Variants in CFAP97 observed in about 807,000 individuals in gnomAD.
CFAP97 encodes the protein cilia and flagella associated protein 97.
A neutral mutation model predicts 43.1 loss-of-function variants in CFAP97; 36 were observed. The observed-to-expected ratio is 0.84, with a 90% CI of 0.64 to 1.10. The LOEUF (loss-of-function observed/expected upper bound fraction) is 1.10. CFAP97 is among the 50% of genes least tolerant of loss of function. CFAP97 has a pLI of 0.00. For missense variants in CFAP97, 657 were observed against 620.3 expected (o/e 1.06, Z -0.63); for synonymous variants, 228 against 225.7 (o/e 1.01, Z -0.09).
At chr4:185,189,176 G>A (rs1053480388) in intron 2 of CFAP97, among the ~76,000 whole-genome samples, 2 of 152,202 alleles carry the variant, frequency 1.3e-5, no homozygotes, top group Non-Finnish European at 2.9e-5. Flanking sequence ...GGTCAAGGCT[G>A]CAGTGAGCTG....
Position 185,175,807 on chromosome 4 carries a change from T to C in CFAP97, c.1299A>G (p.Gln433=). The C allele has an allele frequency of 6.2e-7, 1 of 1,613,432 alleles. No homozygotes were observed. The highest frequency in any genetic ancestry group is 8.5e-7 in the Non-Finnish European group (1 of 1,179,632). The stretch of plus-strand genomic sequence containing the variant: ...TTACCAAGTTTTCTCTCTCAATCCT[T>C]TGTTGTTCCTTCTGTCTGTTGAGAG... ...HSALNRQKEQ[Q]RIERENLALL... is the part of the protein sequence containing the mutation. The change falls in exon 3 of 5, where the codon CAA becomes CAG. Residue 433 remains glutamine (Q), a synonymous_variant. Transcript: ENST00000458385.
intron 3 of CFAP97, among the ~76,000 whole-genome samples, chr4:185,174,308 C>T (rs1005204292): frequency 2.6e-5 from 4 of 152,138 alleles, no homozygotes; most frequent in Non-Finnish European, 5.9e-5. Flanking sequence ...TTGAATACTG[C>T]GAAGGTGATG....
At chr4:185,192,217 T>C (rs1372101866) in intron 1 of CFAP97, among the ~76,000 whole-genome samples, 1 of 152,206 alleles carries the variant, frequency 6.6e-6, no homozygotes, top group East Asian at 1.9e-4. Flanking sequence ...TATGTCGAAC[T>C]TCTGAATATG....
intron 3 of CFAP97, among the ~76,000 whole-genome samples, chr4:185,174,839 C>G (rs1045712640): frequency 6.6e-6 from 1 of 152,068 alleles, no homozygotes; most frequent in Non-Finnish European, 1.5e-5. Context: ...CAGAACAATG[C>G]CTAGTGTTTA....
intron 1 of CFAP97, among the ~76,000 whole-genome samples, chr4:185,195,668 G>GAAGGAGAAA: frequency 6.6e-6 from 1 of 152,232 alleles, no homozygotes; most frequent in Non-Finnish European, 1.5e-5. Context: ...GTGCTCAGGG[G>GAAGGAGAAA]AAGGAGAAAT....
intron 2 of CFAP97, among the ~76,000 whole-genome samples, chr4:185,177,951 A>G (rs953065786): frequency 2.6e-5 from 4 of 152,292 alleles, no homozygotes; most frequent in African/African-American, 9.6e-5. Flanking sequence ...CATTTAAACC[A>G]AAGACTATTA....
At chr4:185,195,754 T>C (rs1477895255) in intron 1 of CFAP97, among the ~76,000 whole-genome samples, 15 of 152,204 alleles carry the variant, frequency 9.9e-5, no homozygotes, top group Non-Finnish European at 5.9e-5. Flanking sequence ...AATCTAATTT[T>C]GCCCACTTGA....
intron 3 of CFAP97, 116 bp downstream of exon 3, chr4:185,175,670 C>T (rs1735486755): frequency 1.1e-6 from 1 of 925,020 alleles, no homozygotes. Context: ...ACATACCGCA[C>T]CTGCTTTTAT....
chr4:185,169,237 C>T (rs1181992230), intron 3 of CFAP97: 1 of 152,206 alleles, frequency 6.6e-6, no homozygotes, highest in Non-Finnish European at 1.5e-5. Context: ...CCACCCAAAT[C>T]TCATCTCGAA....
chr4:185,161,849 G>A lies in CFAP97; in HGVS notation c.*949C>T, dbSNP rs1734884656. On this transcript the variant is annotated 3_prime_UTR_variant, in exon 5 of 5. Transcript: ENST00000458385. ...TTTCAGGCCTTATAAATACTTGCTG[G>A]AATTTCTAAAGCATTTCTTTCTTAC... 6.6e-6 allele frequency: 1 copy of A among 152,044 alleles called. No homozygotes were observed. The allele number at this position is 152,044 out of a possible 1,614,324, so 9.4% of individuals were successfully genotyped here. A position where few individuals can be genotyped will look rare whatever the true frequency, so the allele number is the denominator to read the frequency against.
intron 3 of CFAP97, chr4:185,169,198 A>T (rs984565072): frequency 6.6e-6 from 1 of 152,152 alleles, no homozygotes; most frequent in Non-Finnish European, 1.5e-5. Context: ...TGTGTTATAT[A>T]CCTATTGATA....
upstream of CFAP97, among the ~76,000 whole-genome samples, chr4:185,207,548 T>C (rs2111450887): frequency 6.6e-6 from 1 of 152,284 alleles, no homozygotes; most frequent in East Asian, 1.9e-4. Flanking sequence ...GGAATGCAGA[T>C]CAGGATCAAG....
intron 3 of CFAP97, among the ~76,000 whole-genome samples, chr4:185,172,634 A>T (rs1560857624): frequency 1.3e-5 from 2 of 152,170 alleles, no homozygotes; most frequent in Admixed American, 1.3e-4. Context: ...AGTATATCTG[A>T]CACTGAAATA....
chr4:185,187,682 T>C (rs528557538), intron 2 of CFAP97, among the ~76,000 whole-genome samples: 1 of 151,760 alleles, frequency 6.6e-6, no homozygotes, highest in South Asian at 2.1e-4. Flanking sequence ...TAATTCAACA[T>C]CAGGTCGAAA....
At chr4:185,206,710 A>G (rs945741306), upstream of CFAP97, among the ~76,000 whole-genome samples, 2 of 150,228 alleles carry the variant, frequency 1.3e-5, no homozygotes, top group African/African-American at 2.4e-5. Flanking sequence ...ATCTTGGTTC[A>G]GAAAGACAGA....
chr4:185,205,580 G>C (rs1319795037), upstream of CFAP97, among the ~76,000 whole-genome samples: 1 of 152,106 alleles, frequency 6.6e-6, no homozygotes. Flanking sequence ...TTGTAATTCC[G>C]CACTTTGAGA....
At chr4:185,187,796 G>A (rs1172266252) in intron 2 of CFAP97, among the ~76,000 whole-genome samples, 1 of 151,804 alleles carries the variant, frequency 6.6e-6, no homozygotes, top group Non-Finnish European at 1.5e-5. Flanking sequence ...CTAGGCATCA[G>A]TATTTGTTTT....
intron 2 of CFAP97, among the ~76,000 whole-genome samples, chr4:185,188,937 GA>G (rs150011052): frequency 0.05 from 7,534 of 152,006 alleles, 612 homozygotes; most frequent in African/African-American, 0.17. Context: ...GAGAAAGGGG[GA>G]AAAAATACCT....
intron 1 of CFAP97, 103 bp from the exon 2 acceptor site, chr4:185,191,315 T>C: frequency 3.7e-6 from 3 of 812,204 alleles, no homozygotes; most frequent in Non-Finnish European, 3.5e-6. Flanking sequence ...GTGTGTTTAA[T>C]ATATAAAAAG....
Sources: gnomAD v4.1 joint callset for allele counts (sites outside exome capture counted in the v4.1 genomes callset) on GRCh38, gnomAD v4.1.1 for gene constraint, MANE v1.5 for transcripts, NCBI Gene and HGNC (gene_info 2026-07-23, HGNC 2026-07-21) for gene names.